The following PFAS variants were observed in gnomAD, a reference collection of about 807,000 sequenced individuals.
PFAS encodes the protein FGAM synthase.
Under a neutral mutation model 140.6 loss-of-function variants are expected in PFAS, and 97 were observed. The observed-to-expected ratio is 0.69, with a 90% CI of 0.59 to 0.82. PFAS has a LOEUF of 0.82. Among genes scored for constraint, PFAS ranks in the 40% least tolerant of loss-of-function variants. PFAS has a pLI of 0.00. For missense variants in PFAS, 1,656 were observed against 1,780.2 expected (o/e 0.93, Z 1.26); for synonymous variants, 679 against 718.8 (o/e 0.94, Z 0.88).
intron 11 of PFAS, among the ~76,000 whole-genome samples, chr17:8,258,434 A>G (rs1989461469): frequency 6.6e-6 from 1 of 151,610 alleles, no homozygotes; most frequent in Non-Finnish European, 1.5e-5. Flanking sequence ...AGCCTGCTAC[A>G]CGATCCACAC....
chr17:8,254,781 G>A (rs1002690804), intron 3 of PFAS, among the ~76,000 whole-genome samples: 2 of 152,194 alleles, frequency 1.3e-5, no homozygotes, highest in African/African-American at 4.8e-5. Context: ...TCTAGCCTGG[G>A]CAACAGAGCA....
At position 8,266,726 on chromosome 17, in the gene PFAS, CCCT is replaced by C. The variant is rs1350094578; in HGVS notation, c.2822-26_2822-24del. ...AACTCCCTTGGCCCTTCTTGCATCC[CCCT>C]GACTCCCCACATTGCTCTCCCAGTC... On this transcript the variant is annotated intron_variant, in intron 22 of 27. Coordinates refer to ENST00000314666, the MANE Select transcript of PFAS (RefSeq NM_012393.3). This position sits in a 1 kb window ranked among gnomAD's most constrained non-coding sequence, Gnocchi z 5.0. The C allele has an allele frequency of 6.3e-7, 1 of 1,578,138 alleles. No homozygotes were observed. The highest frequency in any genetic ancestry group is 8.6e-7 in the Non-Finnish European group (1 of 1,163,860).
intron 1 of PFAS, among the ~76,000 whole-genome samples, chr17:8,250,047 A>G (rs1989092727): frequency 6.6e-6 from 1 of 152,240 alleles, no homozygotes; most frequent in African/African-American, 2.4e-5. Context: ...ACGAAGGCGA[A>G]TCACCAGAAA....
Position 8,268,745 on chromosome 17 carries a change from TCTGGGCGCTACGAGTCTCG to T in PFAS, c.3602_3620del (p.Arg1201ProfsTer11). ...AGGCCTTCTGCTACGCCACAACCTGTCTGGGCGCTACGAGTCTCGCTGGGCCAGCGTGCGTGTGGGGCCT... is the reference window on the plus strand; with the variant it reads ...AGGCCTTCTGCTACGCCACAACCTGTCTGGGCCAGCGTGCGTGTGGGGCCT... On this transcript the variant is annotated frameshift_variant, in exon 27 of 28. Coordinates refer to ENST00000314666, the MANE Select transcript of PFAS (RefSeq NM_012393.3). LOFTEE classifies it high-confidence loss of function. 1 of 1,612,586 alleles carries T rather than the reference TCTGGGCGCTACGAGTCTCG, an allele frequency of 6.2e-7. No homozygotes were observed. Among genetic ancestry groups the T allele is most frequent in the East Asian group, 2.2e-5 (1 of 44,876 alleles).
intron 3 of PFAS, 38 bp from the exon 4 acceptor site, chr17:8,254,989 G>A: frequency 6.8e-7 from 1 of 1,468,180 alleles, no homozygotes; most frequent in South Asian, 1.1e-5. Context: ...AGGCCTGCCG[G>A]GGGTTCTCCA....
In PFAS at chr17:8,256,410, G is replaced by T; in HGVS notation, c.821+3G>T. 2.5e-6 allele frequency: 4 copies of T among 1,614,058 alleles called. No individual in the cohort carries two copies. The highest frequency in any genetic ancestry group is 3.4e-6 in the Non-Finnish European group (4 of 1,180,020). ...CTCAAATTCTGTGATAACAGCAGGT[G>T]CTGTGCCCTAGACTGGGTTGGCGTC... On this transcript the variant is annotated splice_donor_region_variant and intron_variant, in intron 7 of 27. Transcript: ENST00000314666.
chr17:8,263,678 C>A, intron 14 of PFAS, 42 bp downstream of exon 14: 1 of 1,604,128 alleles, frequency 6.2e-7, no homozygotes, highest in Non-Finnish European at 8.5e-7. Context: ...CCCACCCCTG[C>A]CAGCCCCAGC....
At position 8,257,861 on chromosome 17, in the gene PFAS, G is replaced by A. The variant is rs568099863; in HGVS notation, c.1130G>A (p.Arg377Gln). ...TTCCAGTATCCTGGGAATTTTGCCC[G>A]GCCCCTGGAGGTTGCCATTGAAGCC... ...PSFQYPGNFA[R>Q]PLEVAIEASN... Residue 377 changes from arginine to glutamine, a missense_variant, in exon 10 of 28, where the codon CGG becomes CAG. Transcript: ENST00000314666. The A allele has an allele frequency of 1.5e-5, 24 of 1,614,054 alleles. No homozygotes were observed. The highest frequency in any genetic ancestry group is 1.1e-4 in the African/African-American group (8 of 75,020).
chr17:8,265,760 C>T lies in PFAS; in HGVS notation c.2546-102C>T, dbSNP rs964370289. On this transcript the variant is annotated intron_variant, in intron 20 of 27. Transcript: ENST00000314666. ...TGTGGTGTTTTCTGGGACTGATTGT[C>T]TAGGTGTCTCACCACATGCTGGGAA... 4 of 1,340,624 alleles carry T rather than the reference C, an allele frequency of 3.0e-6. No individual in the cohort carries two copies. The African/African-American group carries it at 5.8e-5, about 19-fold the overall frequency. The allele number at this position is 1,340,624 out of a possible 1,614,324, so 83.0% of individuals were successfully genotyped here.
intron 1 of PFAS, among the ~76,000 whole-genome samples, chr17:8,250,026 A>G (rs1989091267): frequency 6.6e-6 from 1 of 152,216 alleles, no homozygotes; most frequent in African/African-American, 2.4e-5. Flanking sequence ...GTGGCTAGTG[A>G]AGCCTTTTCC....
chr17:8,250,346 A>T (rs1009011313), intron 1 of PFAS, among the ~76,000 whole-genome samples: 34 of 152,190 alleles, frequency 2.2e-4, no homozygotes, highest in African/African-American at 8.0e-4. Context: ...CAGGAGGTTA[A>T]TGCATTGGTC....
intron 1 of PFAS, among the ~76,000 whole-genome samples, chr17:8,252,063 G>A (rs1989176045): frequency 6.6e-6 from 1 of 151,960 alleles, no homozygotes; most frequent in Non-Finnish European, 1.5e-5. Context: ...GGAGTCCGAG[G>A]CGGGCAGATC....
At chr17:8,254,427 CCCATTTGGG>C in intron 3 of PFAS, 126 bp downstream of exon 3, 4 of 1,105,908 alleles carry the variant, frequency 3.6e-6, no homozygotes, top group Non-Finnish European at 4.0e-6. Flanking sequence ...ATGTGCTTTC[CCCATTTGGG>C]TAGATCCCTC....
At chr17:8,252,382 TC>T (rs749849476) in intron 1 of PFAS, among the ~76,000 whole-genome samples, 98 of 152,330 alleles carry the variant, frequency 6.4e-4, no homozygotes, top group Non-Finnish European at 6.3e-4. Context: ...AGCTTTGTGA[TC>T]AGAGATCCTT....
At position 8,268,553 on chromosome 17, in the gene PFAS, T is replaced by C; in HGVS notation, c.3403T>C (p.Phe1135Leu). The change falls in exon 27 of 28, where the codon TTT becomes CTT. Residue 1135 changes from phenylalanine to leucine, a missense_variant. Physicochemically the swap from Phe to Leu is conservative, Grantham distance 22. Coordinates refer to ENST00000314666, the MANE Select transcript of PFAS (RefSeq NM_012393.3). ...SAKGWAAAVT[F>L]HPRAGAELRR... ...GCTAGGGTGGGCAGCTGCTGTGACC[T>C]TTCATCCCAGGGCTGGGGCTGAGCT... The C allele has an allele frequency of 6.2e-7, 1 of 1,612,074 alleles. No homozygotes were observed. Among genetic ancestry groups the C allele is most frequent in the Non-Finnish European group, 8.5e-7 (1 of 1,179,708 alleles).
Position 8,262,973 on chromosome 17 carries a change from G to T in PFAS, c.1390G>T (p.Gly464Ter). The T allele has an allele frequency of 6.2e-7, 1 of 1,614,016 alleles. No homozygotes were observed. The highest frequency in any genetic ancestry group is 1.1e-5 in the South Asian group (1 of 91,078). Reference sequence around the variant, plus strand: ...CGTCTACAGGATTGGAGTTGGAGGTGGAGCTGCTTCATCTGTGCAGGTGAG... The same window carrying T: ...CGTCTACAGGATTGGAGTTGGAGGTTGAGCTGCTTCATCTGTGCAGGTGAG... The part of the protein sequence containing the change: ...GPVYRIGVGG[G>*]AASSVQVQGD... Residue 464 changes from glycine (G) to a stop codon, truncating the protein, a stop_gained, in exon 12 of 28, where the codon GGA becomes TGA. Transcript: ENST00000314666. LOFTEE classifies it high-confidence loss of function.
At chr17:8,250,598 C>G (rs531310394) in intron 1 of PFAS, among the ~76,000 whole-genome samples, 1 of 152,076 alleles carries the variant, frequency 6.6e-6, no homozygotes, top group Non-Finnish European at 1.5e-5. Flanking sequence ...GCCAGGGTCC[C>G]GCTGAGAGGC....
Position 8,265,321 on chromosome 17 carries a change from G to T in PFAS, c.2314G>T (p.Ala772Ser), listed in dbSNP as rs886835808. 1.3e-5 allele frequency: 21 copies of T among 1,614,002 alleles called. No homozygotes were observed. The highest frequency in any genetic ancestry group is 1.7e-5 in the Non-Finnish European group (20 of 1,180,024). Residue 772 changes from alanine to serine, a missense_variant, in exon 19 of 28, where the codon GCC (alanine) becomes TCC (serine). Coordinates refer to ENST00000314666, the MANE Select transcript of PFAS (RefSeq NM_012393.3). ...GTGTAGCGGGAACTGGATGTGGGCA[G>T]CCAAGCTCCCAGGGGAGGGCGCAGC... ...VKCSGNWMWA[A>S]KLPGEGAALA...
chr17:8,255,846 C>T lies in PFAS; in HGVS notation c.616C>T (p.Arg206Cys), dbSNP rs747639962. Residue 206 changes from arginine (R) to cysteine (C), a missense_variant, in exon 6 of 28, where the codon CGC (arginine) becomes TGC (cysteine). Physicochemically the swap from Arg to Cys is radical, Grantham distance 180. Around this residue, in one of 2 missense-constraint regions of PFAS, gnomAD observed 773 missense variants for 757.3 expected, o/e 1.02. Coordinates refer to ENST00000314666, the MANE Select transcript of PFAS (RefSeq NM_012393.3). ...TTGGGACCTAGACTTCTACACCAAG[C>T]GCTTCCAGGAGCTACAGCGGAACCC... ...DSWDLDFYTK[R>C]FQELQRNPST... is the part of the protein sequence containing the mutation. 4.5e-5 allele frequency: 73 copies of T among 1,614,064 alleles called. No individual in the cohort carries two copies. The highest frequency in any genetic ancestry group is 2.5e-4 in the South Asian group (23 of 91,078).
Sources: gnomAD v4.1 joint callset for allele counts (sites outside exome capture counted in the v4.1 genomes callset) on GRCh38, gnomAD v4.1.1 for gene constraint, gnomAD v4.1.1 regional missense constraint, Gnocchi (gnomAD v3.1) non-coding constraint, MANE v1.5 for transcripts, NCBI Gene and HGNC (gene_info 2026-07-23, HGNC 2026-07-21) for gene names.